The following FAM177A1 variants were observed in gnomAD, a reference collection of about 807,000 sequenced individuals.
FAM177A1 encodes the protein family with sequence similarity 177 member A1, also known as protein FAM177A1.
In FAM177A1, 22 loss-of-function variants were observed where a neutral mutation model predicts 26.1. The observed-to-expected ratio is 0.84, with a 90% CI of 0.60 to 1.20. The LOEUF is 1.20. Among genes scored for constraint, FAM177A1 ranks in the 50% most tolerant of loss-of-function variants. The pLI is 0.00. For missense variants in FAM177A1, 296 were observed against 291.1 expected (o/e 1.02, Z -0.12); for synonymous variants, 95 against 99.3 (o/e 0.96, Z 0.26).
intron 2 of FAM177A1, among the ~76,000 whole-genome samples, chr14:35,059,757 C>T (rs1595043951): frequency 6.6e-6 from 1 of 152,042 alleles, no homozygotes; most frequent in African/African-American, 2.4e-5. Flanking sequence ...CCATGTTGGT[C>T]AGGTTGGTCT....
intron 1 of FAM177A1, among the ~76,000 whole-genome samples, chr14:35,052,112 T>G (rs2044981230): frequency 6.6e-6 from 1 of 152,210 alleles, no homozygotes; most frequent in Non-Finnish European, 1.5e-5. Context: ...AAGCCCTCCT[T>G]TGACTACTCC....
intron 2 of FAM177A1, among the ~76,000 whole-genome samples, chr14:35,065,998 T>G (rs1595049158): frequency 6.6e-6 from 1 of 151,522 alleles, no homozygotes; most frequent in Non-Finnish European, 1.5e-5. Flanking sequence ...CACTGCACCC[T>G]GCCTAGAAAC....
chr14:35,064,958 C>T (rs536799382), intron 2 of FAM177A1, among the ~76,000 whole-genome samples: 1 of 152,024 alleles, frequency 6.6e-6, no homozygotes, highest in African/African-American at 2.4e-5. Flanking sequence ...CGTGAGCCAC[C>T]GAGCCGGGCC....
At chr14:35,067,339 A>G (rs528488638) in intron 2 of FAM177A1, among the ~76,000 whole-genome samples, 1 of 152,306 alleles carries the variant, frequency 6.6e-6, no homozygotes, top group East Asian at 1.9e-4. Context: ...AGGTTCATCC[A>G]CGTTGCACAA....
At chr14:35,061,625 A>T (rs1259010864) in intron 2 of FAM177A1, among the ~76,000 whole-genome samples, 4 of 30,118 alleles carry the variant, frequency 1.3e-4, no homozygotes, top group African/African-American at 1.5e-4. Flanking sequence ...GGGTGGGGGG[A>T]GGGGGGAGGG....
intron 2 of FAM177A1, among the ~76,000 whole-genome samples, chr14:35,059,833 C>A (rs2045122355): frequency 6.6e-6 from 1 of 152,184 alleles, no homozygotes. Flanking sequence ...AGGCGTGAGC[C>A]ACCACACTCC....
chr14:35,050,749 A>C (rs1257350407), intron 1 of FAM177A1: 1 of 152,162 alleles, frequency 6.6e-6, no homozygotes, highest in Non-Finnish European at 1.5e-5. Flanking sequence ...ATGACTGGAG[A>C]TCTAACTTAG....
In FAM177A1 at chr14:35,065,269, G is replaced by A. The variant is rs1296121435; in HGVS notation, c.339+11818G>A. On this transcript the variant is annotated intron_variant, in intron 2 of 4. Coordinates refer to ENST00000280987, the MANE Select transcript of FAM177A1 (RefSeq NM_173607.5). ...GCTCACTGCAAGCTCTGCCTTGGAGGGAAACTTTAAATATTAATAGAATAC... is the reference window on the plus strand; with the variant it reads ...GCTCACTGCAAGCTCTGCCTTGGAGAGAAACTTTAAATATTAATAGAATAC... Among the ~76,000 whole-genome samples, 5 of 150,842 alleles carry A rather than the reference G, an allele frequency of 3.3e-5. 1 individual carries two copies. The highest frequency in any genetic ancestry group is 2.0e-4 in the Admixed American group (3 of 15,132).
At chr14:35,067,648 T>G (rs554880656) in intron 2 of FAM177A1, among the ~76,000 whole-genome samples, 81 of 152,356 alleles carry the variant, frequency 5.3e-4, no homozygotes, top group Non-Finnish European at 1.0e-3. Flanking sequence ...TCCCACCAAG[T>G]GCACCTGGGT....
In FAM177A1 at chr14:35,082,939, C is replaced by T. The variant is rs1415168325; in HGVS notation, c.*1711C>T. On this transcript the variant is annotated 3_prime_UTR_variant, in exon 5 of 5. Transcript: ENST00000280987. ...GTGGTTCATAGTAAGTGATGGTAAT[C>T]TTTTTATTCATGGGTGTAAACCCTT... 1 of 152,152 alleles carries T rather than the reference C, an allele frequency of 6.6e-6. No homozygotes were observed. The highest frequency in any genetic ancestry group is 1.5e-5 in the Non-Finnish European group (1 of 68,018). The allele number at this position is 152,152 out of a possible 1,614,324, so 9.4% of individuals were successfully genotyped here. A position where few individuals can be genotyped will look rare whatever the true frequency, so the allele number is the denominator to read the frequency against.
intron 1 of FAM177A1, among the ~76,000 whole-genome samples, chr14:35,048,991 C>T (rs148405960): frequency 5.3e-4 from 81 of 151,588 alleles, no homozygotes; most frequent in African/African-American, 1.8e-3. Flanking sequence ...CCCGGGTTCA[C>T]GCAATTCTCT....
At chr14:35,072,402 A>G (rs2045336313) in intron 2 of FAM177A1, among the ~76,000 whole-genome samples, 1 of 152,220 alleles carries the variant, frequency 6.6e-6, no homozygotes, top group African/African-American at 2.4e-5. Flanking sequence ...CACATTGAGT[A>G]GGCTGAGGAG....
chr14:35,048,463 C>T (rs1317470215), intron 1 of FAM177A1, among the ~76,000 whole-genome samples: 1 of 151,836 alleles, frequency 6.6e-6, no homozygotes, highest in East Asian at 1.9e-4. Flanking sequence ...GAATACCCCA[C>T]CACCACCCTT....
intron 1 of FAM177A1, chr14:35,050,925 G>C (rs1389176121): frequency 1.1e-4 from 16 of 152,144 alleles, no homozygotes. Flanking sequence ...GTGGGGCTTG[G>C]GGGTAGGTAG....
chr14:35,046,402 G>T lies in FAM177A1; in HGVS notation c.-62G>T, dbSNP rs1595031746. On this transcript the variant is annotated 5_prime_UTR_variant, in exon 1 of 5. Transcript: ENST00000280987. ...TAGGCGCGGCGCGAGGCGGGCGCTG[G>T]GCGGGTGAGTCCCACTTCCCGACAG... 1 of 53,206 alleles carries T rather than the reference G, an allele frequency of 1.9e-5. No individual in the cohort carries two copies. Among genetic ancestry groups the T allele is most frequent in the South Asian group, 2.5e-4 (1 of 4,070 alleles). 3.3% of individuals were successfully genotyped at this position (53,206 alleles called of 1,614,324 possible).
At chr14:35,063,138 C>T (rs1331934732) in intron 2 of FAM177A1, among the ~76,000 whole-genome samples, 1 of 108,040 alleles carries the variant, frequency 9.3e-6, no homozygotes, top group Non-Finnish European at 1.8e-5. Context: ...TCCAGCCTGG[C>T]AACAGAGTGA....
chr14:35,081,413 A>G lies in FAM177A1; in HGVS notation c.*185A>G, dbSNP rs1350670915. The G allele has an allele frequency of 2.8e-5, 16 of 573,844 alleles. No individual in the cohort carries two copies. The highest frequency in any genetic ancestry group is 4.2e-5 in the Non-Finnish European group (15 of 357,508). 35.5% of individuals were successfully genotyped at this position (573,844 alleles called of 1,614,324 possible). The stretch of plus-strand genomic sequence containing the variant: ...AGCAAAAGCCAGATCTGAAATTCAG[A>G]TATTTGTACTGTTTTTACTGTGTAT... On this transcript the variant is annotated 3_prime_UTR_variant, in exon 5 of 5. Coordinates refer to ENST00000280987, the MANE Select transcript of FAM177A1 (RefSeq NM_173607.5).
At chr14:35,078,687 G>A (rs769033436) in intron 3 of FAM177A1, among the ~76,000 whole-genome samples, 1 of 152,146 alleles carries the variant, frequency 6.6e-6, no homozygotes, top group African/African-American at 2.4e-5. Flanking sequence ...ATATATAACA[G>A]ATACACCTAG....
intron 1 of FAM177A1, chr14:35,046,963 G>A (rs978598674): frequency 9.1e-7 from 1 of 1,100,302 alleles, no homozygotes; most frequent in Admixed American, 5.3e-5. Context: ...AGGTGAGGGC[G>A]GCTTCAACCA....
Sources: allele counts gnomAD v4.1 joint callset (sites outside exome capture counted in the v4.1 genomes callset), GRCh38; gene constraint gnomAD v4.1.1; transcripts MANE v1.5; gene names NCBI Gene and HGNC (gene_info 2026-07-23, HGNC 2026-07-21).